The following DLGAP2 variants were observed in gnomAD, a reference collection of about 807,000 sequenced individuals.
DLGAP2 encodes the protein disks large-associated protein 2.
In DLGAP2, 26 loss-of-function variants were observed where a neutral mutation model predicts 100.3. That is an observed-to-expected ratio of 0.26 (90% CI 0.19 to 0.36). The LOEUF (loss-of-function observed/expected upper bound fraction) is 0.36, where lower values mean the gene tolerates loss of function less well. Ranked by LOEUF, DLGAP2 falls within the 10% of genes least tolerant of loss-of-function variation. The pLI, the probability that DLGAP2 is intolerant of heterozygous loss-of-function variation, is 1.00. For missense variants in DLGAP2, 1,858 were observed against 1,453.2 expected (o/e 1.28, Z -4.53); for synonymous variants, 886 against 630.1 (o/e 1.41, Z -6.08).
In DLGAP2 at chr8:1,684,270, T is replaced by G. The variant is rs1799055249; in HGVS notation, c.2704+5641T>G. Among the ~76,000 whole-genome samples the G allele has an allele frequency of 2.0e-5, 3 of 152,000 alleles. 1 individual carries two copies. Among genetic ancestry groups the G allele is most frequent in the African/African-American group, 4.8e-5 (2 of 41,320 alleles). On this transcript the variant is annotated intron_variant, in intron 12 of 14. Transcript: ENST00000637795. ...TTAAATTGCCCAGATACCTTCATCT[T>G]TTTGTGGACAGATGTCAAAACACTT... is the stretch of plus-strand genomic sequence containing the variant.
intron 2 of DLGAP2, among the ~76,000 whole-genome samples, chr8:1,209,252 T>C (rs1486097682): frequency 1.3e-5 from 2 of 152,168 alleles, no homozygotes; most frequent in East Asian, 3.8e-4. Flanking sequence ...CTTCAAACTA[T>C]ACTATAAGGC....
intron 2 of DLGAP2, among the ~76,000 whole-genome samples, chr8:1,210,979 C>T (rs759618544): frequency 1.1e-4 from 17 of 152,222 alleles, no homozygotes; most frequent in Non-Finnish European, 2.4e-4. Flanking sequence ...CCCCAACGTC[C>T]AGCGAGGCTG....
intron 3 of DLGAP2, among the ~76,000 whole-genome samples, chr8:1,319,595 C>A (rs1046120974): frequency 5.3e-5 from 8 of 152,204 alleles, no homozygotes; most frequent in Admixed American, 4.6e-4. Context: ...GGAAGGTAGG[C>A]TTGCTGGACG....
At chr8:1,633,293 C>G (rs1797695509) in intron 8 of DLGAP2, among the ~76,000 whole-genome samples, 2 of 147,354 alleles carry the variant, frequency 1.4e-5, no homozygotes, top group Non-Finnish European at 3.0e-5. Flanking sequence ...TCAAGTGTAA[C>G]TTGTGTAAAG....
chr8:1,342,674 C>A (rs1438387199), intron 3 of DLGAP2, among the ~76,000 whole-genome samples: 1 of 152,168 alleles, frequency 6.6e-6, no homozygotes, highest in Non-Finnish European at 1.5e-5. Context: ...TATTTCTCAT[C>A]CCTAACTTTA....
intron 3 of DLGAP2, among the ~76,000 whole-genome samples, chr8:1,318,056 C>T (rs552745059): frequency 3.0e-5 from 1 of 33,648 alleles, no homozygotes; most frequent in African/African-American, 1.8e-4. Flanking sequence ...GGTCTACACT[C>T]GAGACACTCG....
chr8:869,863 G>A (rs1478315449), intron 1 of DLGAP2, among the ~76,000 whole-genome samples: 1 of 152,098 alleles, frequency 6.6e-6, no homozygotes, highest in Non-Finnish European at 1.5e-5. Flanking sequence ...GCAGGACTCT[G>A]CTCAGGAAAG....
At chr8:956,563 G>T (rs537734931) in intron 2 of DLGAP2, among the ~76,000 whole-genome samples, 15 of 152,280 alleles carry the variant, frequency 9.9e-5, no homozygotes, top group South Asian at 6.2e-4. Flanking sequence ...GGGCAGGAGG[G>T]GCCACAGAGC....
intron 1 of DLGAP2, among the ~76,000 whole-genome samples, chr8:825,824 T>C (rs1049842292): frequency 1.3e-5 from 2 of 152,236 alleles, no homozygotes; most frequent in Non-Finnish European, 2.9e-5. Context: ...CCTCAAGCAC[T>C]TATCTTTACT....
intron 8 of DLGAP2, among the ~76,000 whole-genome samples, chr8:1,652,437 GA>G (rs1371441214): frequency 6.6e-6 from 1 of 152,046 alleles, no homozygotes; most frequent in Non-Finnish European, 1.5e-5. Context: ...TTTATTTAGT[GA>G]AAAAAAGGAA....
intron 2 of DLGAP2, among the ~76,000 whole-genome samples, chr8:1,169,381 A>G (rs1426903014): frequency 6.6e-6 from 1 of 152,122 alleles, no homozygotes; most frequent in Non-Finnish European, 1.5e-5. Context: ...TCTTGGTTCC[A>G]TATGAACTTT....
chr8:1,468,642 G>A (rs945660681), intron 3 of DLGAP2, among the ~76,000 whole-genome samples: 5 of 152,206 alleles, frequency 3.3e-5, no homozygotes, highest in African/African-American at 9.6e-5. Context: ...TTTGGGGCCA[G>A]TGCATTCCTC....
intron 1 of DLGAP2, among the ~76,000 whole-genome samples, chr8:769,576 G>T (rs1288765634): frequency 6.6e-6 from 1 of 152,132 alleles, no homozygotes; most frequent in African/African-American, 2.4e-5. Flanking sequence ...GAAGTAAACT[G>T]GGCTAATTTA....
intron 4 of DLGAP2, among the ~76,000 whole-genome samples, chr8:1,544,978 A>G (rs77033714): frequency 9.1e-4 from 139 of 152,244 alleles, no homozygotes; most frequent in African/African-American, 3.2e-3. Flanking sequence ...TGATTCACCC[A>G]TCTCAGCCGC....
chr8:851,197 A>C (rs919040481), intron 1 of DLGAP2, among the ~76,000 whole-genome samples: 2 of 152,232 alleles, frequency 1.3e-5, no homozygotes, highest in African/African-American at 4.8e-5. Context: ...CACACTGTGC[A>C]GGTGTGCAGC....
chr8:1,653,232 C>T (rs548050641), intron 8 of DLGAP2, among the ~76,000 whole-genome samples: 130 of 149,594 alleles, frequency 8.7e-4, no homozygotes, highest in African/African-American at 2.9e-3. Flanking sequence ...CCTGGAGACA[C>T]GGGCAGCACG....
rs750783746 is a variant in DLGAP2, at chr8:1,626,713, C to G, written c.1443-27C>G. 4.1e-5 allele frequency: 64 copies of G among 1,576,708 alleles called. No individual in the cohort carries two copies. The Admixed American group carries it at 6.6e-4, about 16-fold the overall frequency. ...CCCTGCAGCGGGTGCTCACAGAATGCCTTTTCTCCTTTCTTCTTTCCTGTA... is the reference window on the plus strand; with the variant it reads ...CCCTGCAGCGGGTGCTCACAGAATGGCTTTTCTCCTTTCTTCTTTCCTGTA... On this transcript the variant is annotated intron_variant, in intron 6 of 14. Coordinates refer to ENST00000637795, the MANE Select transcript of DLGAP2 (RefSeq NM_001346810.2).
chr8:814,870 A>G (rs1396933762), intron 1 of DLGAP2, among the ~76,000 whole-genome samples: 3 of 151,308 alleles, frequency 2.0e-5, no homozygotes, highest in Non-Finnish European at 4.4e-5. Flanking sequence ...AAAAAAAAAA[A>G]AAAGAAATAC....
chr8:1,128,547 A>C (rs1296305458), intron 2 of DLGAP2, among the ~76,000 whole-genome samples: 2 of 152,230 alleles, frequency 1.3e-5, no homozygotes, highest in Non-Finnish European at 2.9e-5. Flanking sequence ...AGAAGCAACA[A>C]GCTGCACCAC....
Sources: allele counts gnomAD v4.1 joint callset (sites outside exome capture counted in the v4.1 genomes callset), GRCh38; gene constraint gnomAD v4.1.1; transcripts MANE v1.5; gene names NCBI Gene and HGNC (gene_info 2026-07-23, HGNC 2026-07-21).